The following MICB variants were observed in gnomAD, a reference collection of about 807,000 sequenced individuals.
MICB encodes the protein MHC class I polypeptide-related sequence B.
Under a neutral mutation model 34.3 loss-of-function variants are expected in MICB, and 27 were observed. That is an observed-to-expected ratio of 0.79 (90% CI 0.58 to 1.08). MICB has a LOEUF of 1.08. Ranked by LOEUF, MICB falls within the 50% of genes least tolerant of loss-of-function variation. The pLI, the probability that MICB is intolerant of heterozygous loss-of-function variation, is 0.00. For synonymous variants in MICB, 153 were observed against 187.4 expected, an observed-to-expected ratio of 0.82 and a Z score of 1.50; for missense variants, 426 against 483.1, an observed-to-expected ratio of 0.88 and a Z score of 1.11.
chr6:31,497,068 C>T (rs1487728212), upstream of MICB, among the ~76,000 whole-genome samples: 3 of 152,278 alleles, frequency 2.0e-5, no homozygotes, highest in East Asian at 5.8e-4. Flanking sequence ...TGGCTTGGAG[C>T]ACTCTGGTTG....
intron 1 of MICB, among the ~76,000 whole-genome samples, chr6:31,499,412 C>A: frequency 6.6e-6 from 1 of 151,954 alleles, no homozygotes; most frequent in Admixed American, 6.5e-5. Flanking sequence ...TGCCTTCATC[C>A]CCCGCCCCCG....
chr6:31,509,634 A>C (rs1280420362), intron 5 of MICB, 148 bp from the exon 6 acceptor site: 7 of 971,560 alleles, frequency 7.2e-6, no homozygotes, highest in Non-Finnish European at 1.1e-5. Flanking sequence ...GGGAAAAGCA[A>C]GGAGGGAGGA....
At chr6:31,496,124 C>T (rs1172434208), upstream of MICB, among the ~76,000 whole-genome samples, 5 of 152,146 alleles carry the variant, frequency 3.3e-5, no homozygotes, top group Admixed American at 6.5e-5. Flanking sequence ...GGTGGTTCTA[C>T]GCAGTGGCTA....
upstream of MICB, among the ~76,000 whole-genome samples, chr6:31,497,816 GGT>G (rs1187605451): frequency 1.3e-5 from 2 of 152,322 alleles, no homozygotes; most frequent in East Asian, 3.9e-4. Context: ...GCTCCTTGGG[GGT>G]GGGAATGCGG....
Position 31,505,800 on chromosome 6 carries a change from A to C in MICB, c.254A>C (p.Glu85Ala). The change falls in exon 2 of 6, where the codon GAG (glutamate) becomes GCG (alanine). Residue 85 changes from glutamate to alanine, a missense_variant. By Grantham distance (107) the Glu-to-Ala change is moderately radical. Coordinates refer to ENST00000252229, the MANE Select transcript of MICB (RefSeq NM_005931.5). ...NVLGAKTWDT[E>A]TEDLTENGQD... Reference sequence around the variant, plus strand: ...CTGGGAGCTAAGACCTGGGACACAGAGACCGAGGACTTGACAGAGAATGGG... The same window carrying C: ...CTGGGAGCTAAGACCTGGGACACAGCGACCGAGGACTTGACAGAGAATGGG... 1 of 1,613,266 alleles carries C rather than the reference A, an allele frequency of 6.2e-7. No homozygotes were observed. The highest frequency in any genetic ancestry group is 8.5e-7 in the Non-Finnish European group (1 of 1,180,006).
rs28751333 is a variant in MICB, at chr6:31,503,949, C to CTGTTTGTGTGTGTGTGTGTGTGTG, written c.71-1665_71-1664insTTGTGTGTGTGTGTGTGTGTGTGT. ...TTTCTCTACCTCCTTGCCAAACTTG[C>CTGTTTGTGTGTGTGTGTGTGTGTG]TGTGTGTGTGTGTGTGTGTGTGTGT... On this transcript the variant is annotated intron_variant, in intron 1 of 5. Transcript: ENST00000252229. Among the ~76,000 whole-genome samples, 53 of 97,590 alleles carry CTGTTTGTGTGTGTGTGTGTGTGTG rather than the reference C, an allele frequency of 5.4e-4. 1 individual carries two copies. Among genetic ancestry groups the CTGTTTGTGTGTGTGTGTGTGTGTG allele is most frequent in the East Asian group, 2.2e-3 (6 of 2,758 alleles). 64.0% of individuals were successfully genotyped at this position (97,590 alleles called of 152,430 possible).
chr6:31,505,447 A>G (rs528173442), intron 1 of MICB, among the ~76,000 whole-genome samples, 170 bp from the exon 2 acceptor site: 2 of 147,662 alleles, frequency 1.4e-5, no homozygotes, highest in African/African-American at 5.0e-5. Flanking sequence ...CCCCTCCTCT[A>G]TCCTCCCACC....
Position 31,506,242 on chromosome 6 carries a change from CCCAAAA to C in MICB, c.428_433del (p.Gln143_Asn144del). ...TACTACGATGGGGAGCTCTTCCTCT[CCCAAAA>C]CCTGGAGACTCAAGAATCGACAGTG... On this transcript the variant is annotated inframe_deletion, in exon 3 of 6. Transcript: ENST00000252229. 1.2e-6 allele frequency: 2 copies of C among 1,614,188 alleles called. No homozygotes were observed.
chr6:31,508,107 G>A (rs1399285082), intron 5 of MICB, among the ~76,000 whole-genome samples: 2 of 152,166 alleles, frequency 1.3e-5, no homozygotes, highest in African/African-American at 4.8e-5. Context: ...GCCATTTGAG[G>A]AGCGGGGCCC....
At chr6:31,498,349 C>A (rs1764798302) in intron 1 of MICB, 86 bp downstream of exon 1, 4 of 1,074,828 alleles carry the variant, frequency 3.7e-6, no homozygotes, top group Non-Finnish European at 5.1e-6. Context: ...GAGCGCTGTG[C>A]GGTCAGGGCG....
chr6:31,506,483 C>A, intron 3 of MICB, 53 bp downstream of exon 3: 1 of 1,570,892 alleles, frequency 6.4e-7, no homozygotes, highest in East Asian at 2.3e-5. Flanking sequence ...CTAGAGTTGC[C>A]TCGCCTCCCA....
intron 1 of MICB, among the ~76,000 whole-genome samples, chr6:31,499,675 T>C (rs1361844774): frequency 1.3e-5 from 2 of 151,996 alleles, no homozygotes; most frequent in Admixed American, 1.3e-4. Flanking sequence ...TGCAGGTGCC[T>C]GCTCTGGGCC....
upstream of MICB, among the ~76,000 whole-genome samples, chr6:31,497,479 G>C (rs374606222): frequency 2.2e-3 from 332 of 152,176 alleles, 1 homozygote; most frequent in African/African-American, 6.8e-3. Context: ...GGCCCTGGGA[G>C]ACCTCAGACA....
At position 31,505,684 on chromosome 6, in the gene MICB, C is replaced by T. The variant is rs756661147; in HGVS notation, c.138C>T (p.Leu46=). Residue 46 remains leucine (L), a synonymous_variant, in exon 2 of 6, where the codon CTC becomes CTT. Coordinates refer to ENST00000252229, the MANE Select transcript of MICB (RefSeq NM_005931.5). ...ATGGATCTGTGCAGTCAGGGTTTCTCGCTGAGGGACATCTGGATGGTCAGC... is the reference window on the plus strand; with the variant it reads ...ATGGATCTGTGCAGTCAGGGTTTCTTGCTGAGGGACATCTGGATGGTCAGC... The part of the protein sequence containing the change: ...SQDGSVQSGF[L]AEGHLDGQPF... The T allele has an allele frequency of 3.1e-6, 5 of 1,612,986 alleles. No individual in the cohort carries two copies. The highest frequency in any genetic ancestry group is 2.2e-5 in the East Asian group (1 of 44,874).
At chr6:31,503,793 G>T (rs1319889161) in intron 1 of MICB, among the ~76,000 whole-genome samples, 4 of 151,916 alleles carry the variant, frequency 2.6e-5, no homozygotes, top group Non-Finnish European at 5.9e-5. Flanking sequence ...TTTCTTTTGG[G>T]TATATATCCA....
intron 1 of MICB, among the ~76,000 whole-genome samples, chr6:31,505,045 C>T (rs1371067681): frequency 1.3e-5 from 2 of 152,156 alleles, no homozygotes; most frequent in Non-Finnish European, 2.9e-5. Flanking sequence ...AAGCCCACAT[C>T]ATTGCTCCCC....
At position 31,506,359 on chromosome 6, in the gene MICB, G is replaced by T; in HGVS notation, c.542G>T (p.Arg181Leu). 6.2e-7 allele frequency: 1 copy of T among 1,614,160 alleles called. No homozygotes were observed. The highest frequency in any genetic ancestry group is 8.5e-7 in the Non-Finnish European group (1 of 1,180,008). ...GCCATGAAGACCAAGACACACTATC[G>T]CGCTATGCAGGCAGACTGCCTGCAG... ...EDAMKTKTHY[R>L]AMQADCLQKL... The change falls in exon 3 of 6, where the codon CGC (arginine) becomes CTC (leucine). Residue 181 changes from arginine (R) to leucine (L), a missense_variant. By Grantham distance (102) the Arg-to-Leu change is moderately radical. Coordinates refer to ENST00000252229, the MANE Select transcript of MICB (RefSeq NM_005931.5).
upstream of MICB, chr6:31,498,099 C>A: frequency 2.0e-6 from 2 of 1,001,302 alleles, no homozygotes; most frequent in East Asian, 4.2e-5. Context: ...GGTCGCTGAG[C>A]GGGGCGCAGG....
rs779817937 is a variant in MICB at position 31,509,765 on chromosome 6, G to C, written c.1025-17G>C. 1.2e-6 allele frequency: 2 copies of C among 1,601,746 alleles called. No homozygotes were observed. Among genetic ancestry groups the C allele is most frequent in the Admixed American group, 1.7e-5 (1 of 58,352 alleles). ...ACTGCACCCAGTGGAGCATTTACCC[G>C]TTTCCCTCTTCTCCAGAGCTTGTGA... On this transcript the variant is annotated splice_polypyrimidine_tract_variant and intron_variant, in intron 5 of 5. Transcript: ENST00000252229.
Sources: allele counts gnomAD v4.1 joint callset (sites outside exome capture counted in the v4.1 genomes callset), GRCh38; gene constraint gnomAD v4.1.1; transcripts MANE v1.5; gene names NCBI Gene and HGNC (gene_info 2026-07-23, HGNC 2026-07-21).